Variants in WDHD1 observed in about 807,000 individuals in gnomAD.
WDHD1 encodes the protein WD repeat and HMG-box DNA binding protein 1.
Under a neutral mutation model 135.4 loss-of-function variants are expected in WDHD1, and 111 were observed. The observed-to-expected ratio is 0.82, with a 90% confidence interval of 0.70 to 0.96. WDHD1 has a LOEUF of 0.96. Among genes scored for constraint, WDHD1 ranks in the 40% least tolerant of loss-of-function variants. WDHD1 has a pLI of 0.00. For synonymous variants in WDHD1, 434 were observed against 439.0 expected (o/e 0.99, Z 0.14); for missense variants, 1,351 against 1,336.3 (o/e 1.01, Z -0.17).
intron 18 of WDHD1, among the ~76,000 whole-genome samples, chr14:54,966,239 G>A (rs978385497): frequency 6.6e-6 from 1 of 151,278 alleles, no homozygotes; most frequent in African/African-American, 2.4e-5. Context: ...TCGGGAGGCT[G>A]AGGCAGAATT....
intron 10 of WDHD1, among the ~76,000 whole-genome samples, chr14:54,998,100 G>C (rs1187884): frequency 0.99 from 149,976 of 151,718 alleles, 74,146 homozygotes; most frequent in East Asian, 1. Flanking sequence ...GTTATCCTAG[G>C]TACTTGGGAG....
chr14:54,972,961 A>C (rs931133581), intron 16 of WDHD1, among the ~76,000 whole-genome samples: 1 of 152,228 alleles, frequency 6.6e-6, no homozygotes, highest in African/African-American at 2.4e-5. Context: ...AGTCTATATA[A>C]GGCATTCAAA....
chr14:54,974,416 G>C (rs1488882683), intron 16 of WDHD1, among the ~76,000 whole-genome samples: 2 of 149,396 alleles, frequency 1.3e-5, no homozygotes, highest in Non-Finnish European at 3.0e-5. Context: ...CTGGGCAACA[G>C]AGAGAGATTC....
intron 16 of WDHD1, among the ~76,000 whole-genome samples, chr14:54,979,371 G>C (rs1204926223): frequency 6.6e-6 from 1 of 152,132 alleles, no homozygotes; most frequent in African/African-American, 2.4e-5. Flanking sequence ...GCCCAGGCTG[G>C]TCTCAAACTC....
intron 21 of WDHD1, among the ~76,000 whole-genome samples, chr14:54,960,593 G>A (rs1740850400): frequency 1.3e-5 from 2 of 151,370 alleles, no homozygotes; most frequent in African/African-American, 4.9e-5. Context: ...CCCCACTCCT[G>A]GATTCAAGCA....
chr14:54,972,022 C>G (rs1381492152), intron 16 of WDHD1, among the ~76,000 whole-genome samples: 1 of 151,660 alleles, frequency 6.6e-6, no homozygotes, highest in Non-Finnish European at 1.5e-5. Flanking sequence ...CATGTAATCC[C>G]AGCACTTTGG....
At chr14:54,971,102 A>G (rs1368524339) in intron 16 of WDHD1, among the ~76,000 whole-genome samples, 1 of 152,204 alleles carries the variant, frequency 6.6e-6, no homozygotes, top group Non-Finnish European at 1.5e-5. Flanking sequence ...TGGATTAAAC[A>G]CTTAAATGTA....
rs749016814 is a variant in WDHD1, at chr14:54,987,216, T to C, written c.1698A>G (p.Val566=). 6 of 1,614,168 alleles carry C rather than the reference T, an allele frequency of 3.7e-6. No homozygotes were observed. The highest frequency in any genetic ancestry group is 2.2e-5 in the East Asian group (1 of 44,874). ...LFTIGGVQKE[V]FSLAGPVVSM... ...ACACCACAGGTCCAGCAAGGCTGAATACCTCTTTTTGAACCCCTCCAATAG... is the reference window on the plus strand; with the variant it reads ...ACACCACAGGTCCAGCAAGGCTGAACACCTCTTTTTGAACCCCTCCAATAG... The change falls in exon 14 of 26, where the codon GTA becomes GTG. Residue 566 remains valine, a synonymous_variant. Coordinates refer to ENST00000360586, the MANE Select transcript of WDHD1 (RefSeq NM_007086.4).
chr14:54,968,560 A>G (rs2041381562), intron 16 of WDHD1, among the ~76,000 whole-genome samples: 1 of 152,200 alleles, frequency 6.6e-6, no homozygotes, highest in Admixed American at 6.5e-5. Context: ...CAAAGGATCA[A>G]TAAAACAAAA....
chr14:54,941,781 TTA>T (rs1403699469), intron 25 of WDHD1, 91 bp from the exon 26 acceptor site: 2 of 1,160,066 alleles, frequency 1.7e-6, no homozygotes, highest in East Asian at 5.2e-5. Context: ...GGTAATATTT[TTA>T]TATATAAAGC....
intron 21 of WDHD1, among the ~76,000 whole-genome samples, chr14:54,958,753 T>C (rs1459172388): frequency 6.6e-6 from 1 of 152,210 alleles, no homozygotes; most frequent in Non-Finnish European, 1.5e-5. Flanking sequence ...GTTCCTCCTC[T>C]TCCTCTACCT....
rs746189843 is a variant in WDHD1, at chr14:55,000,901, T to C, written c.785A>G (p.Lys262Arg). 3.2e-6 allele frequency: 5 copies of C among 1,579,720 alleles called. No individual in the cohort carries two copies. The East Asian group carries it at 9.3e-5, about 29-fold the overall frequency. The part of the protein sequence containing the change: ...GLIIVWNVET[K>R]DCMERVKHEK... ...TAAATCATACCTTTCCATGCAGTCT[T>C]TGGTTTCCACATTCCAAACTATGAT... Residue 262 changes from lysine (K) to arginine (R), a missense_variant, in exon 9 of 26, where the codon AAA becomes AGA. By Grantham distance (26) the Lys-to-Arg change is conservative (BLOSUM62 2). Transcript: ENST00000360586.
intron 21 of WDHD1, among the ~76,000 whole-genome samples, chr14:54,959,927 T>C (rs910823898): frequency 6.6e-6 from 1 of 152,240 alleles, no homozygotes; most frequent in Non-Finnish European, 1.5e-5. Context: ...CCCTTGCGGT[T>C]TGGTGCCTCC....
chr14:54,962,502 CTT>C lies in WDHD1; in HGVS notation c.2695_2696del (p.Lys899ValfsTer7). ...AAATTTATAAATATTTCTCACCTGA[CTT>C]AGCTGAAACATCAGAGGAATTTGTA... ...KSTNSSDVSA[K>X]SGAVTFSSQG... is the part of the protein sequence containing the mutation. On this transcript the variant is annotated frameshift_variant, in exon 21 of 26. Transcript: ENST00000360586. LOFTEE classifies it high-confidence loss of function. The C allele has an allele frequency of 1.9e-6, 3 of 1,608,592 alleles. No homozygotes were observed. The highest frequency in any genetic ancestry group is 2.5e-6 in the Non-Finnish European group (3 of 1,176,714).
chr14:54,998,474 AC>A (rs1231892852), intron 10 of WDHD1, among the ~76,000 whole-genome samples: 1 of 152,068 alleles, frequency 6.6e-6, no homozygotes, highest in Admixed American at 6.6e-5. Context: ...CCAATGTTAC[AC>A]ATGCATATAT....
chr14:54,946,024 C>T (rs2040918794), intron 24 of WDHD1, among the ~76,000 whole-genome samples: 1 of 151,956 alleles, frequency 6.6e-6, no homozygotes, highest in African/African-American at 2.4e-5. Context: ...TAACGTAAAC[C>T]GATTTCCAGA....
chr14:55,004,848 T>C (rs2042038038), intron 7 of WDHD1: 3 of 507,172 alleles, frequency 5.9e-6, no homozygotes, highest in Admixed American at 2.0e-5. Flanking sequence ...ATGCATTCAG[T>C]GGTCTGAGCA....
Position 54,991,207 on chromosome 14 carries a change from T to TGTTCCC in WDHD1, c.1341+5_1341+6insGGGAAC. 6.6e-7 allele frequency: 1 copy of TGTTCCC among 1,521,242 alleles called. No individual in the cohort carries two copies. The highest frequency in any genetic ancestry group is 1.1e-5 in the South Asian group (1 of 87,634). 94.2% of individuals were successfully genotyped at this position (1,521,242 alleles called of 1,614,324 possible). On this transcript the variant is annotated splice_donor_region_variant and intron_variant, in intron 12 of 25. Coordinates refer to ENST00000360586, the MANE Select transcript of WDHD1 (RefSeq NM_007086.4). ...CTAAGAAGTTAAGTGTAGATCCAAG[T>TGTTCCC]CTTACCATGAATCTGTGAGTGAGAT...
At chr14:55,010,184 G>A in intron 4 of WDHD1, 125 bp downstream of exon 4, 2 of 1,049,986 alleles carry the variant, frequency 1.9e-6, no homozygotes. Flanking sequence ...CTAGATAAAA[G>A]AATATATGAA....
Sources: allele counts gnomAD v4.1 joint callset (sites outside exome capture counted in the v4.1 genomes callset), GRCh38; gene constraint gnomAD v4.1.1; transcripts MANE v1.5; gene names NCBI Gene and HGNC (gene_info 2026-07-23, HGNC 2026-07-21).